YTHDC2: variants seen among roughly 807,000 people sequenced by gnomAD.
The protein encoded by YTHDC2 is YTH N6-methyladenosine RNA binding protein C2, also known as 3'-5' RNA helicase YTHDC2.
Under a neutral mutation model 174.9 loss-of-function variants are expected in YTHDC2, and 45 were observed. The ratio of observed to expected loss-of-function variants is 0.26; its 90% CI spans 0.20 to 0.33. The LOEUF is 0.33. Ranked by LOEUF, YTHDC2 falls within the 10% of genes least tolerant of loss-of-function variation. YTHDC2 has a pLI of 1.00. For synonymous variants in YTHDC2, 657 were observed against 574.5 expected (o/e 1.14, Z -2.05); for missense variants, 1,650 against 1,723.7 (o/e 0.96, Z 0.76).
intron 23 of YTHDC2, among the ~76,000 whole-genome samples, chr5:113,579,080 T>C (rs751662632): frequency 1.3e-5 from 2 of 152,054 alleles, no homozygotes; most frequent in African/African-American, 4.8e-5. Flanking sequence ...AACTGGGTTA[T>C]AGTTTTAATT....
intron 2 of YTHDC2, among the ~76,000 whole-genome samples, chr5:113,516,349 T>C (rs1773425155): frequency 6.6e-6 from 1 of 152,150 alleles, no homozygotes; most frequent in Non-Finnish European, 1.5e-5. Flanking sequence ...GAGGAAATTG[T>C]TTTGTTTTGT....
chr5:113,514,516 A>G (rs1000100343), intron 1 of YTHDC2, among the ~76,000 whole-genome samples: 1 of 152,342 alleles, frequency 6.6e-6, no homozygotes, highest in East Asian at 1.9e-4. Context: ...CTGAAGCATC[A>G]CGCTACCCAC....
At chr5:113,530,563 C>T (rs1774586107) in intron 4 of YTHDC2, among the ~76,000 whole-genome samples, 2 of 152,148 alleles carry the variant, frequency 1.3e-5, no homozygotes, top group Non-Finnish European at 2.9e-5. Flanking sequence ...TTCCTCCCTC[C>T]TGTCCCTTGT....
chr5:113,587,539 ATT>A (rs1449427544), intron 26 of YTHDC2, among the ~76,000 whole-genome samples: 1 of 140,236 alleles, frequency 7.1e-6, no homozygotes, highest in East Asian at 2.0e-4. Flanking sequence ...GTATTTATAT[ATT>A]AATATATTGT....
intron 10 of YTHDC2, among the ~76,000 whole-genome samples, chr5:113,545,579 C>T (rs559756991): frequency 1.4e-4 from 21 of 152,112 alleles, no homozygotes; most frequent in African/African-American, 4.8e-4. Context: ...ACCTGTTTCT[C>T]TTCTTTTGTT....
intron 26 of YTHDC2, among the ~76,000 whole-genome samples, chr5:113,584,971 G>A (rs1561708279): frequency 6.7e-6 from 1 of 149,414 alleles, no homozygotes; most frequent in Non-Finnish European, 1.5e-5. Context: ...TTATAGATGG[G>A]GATCTCCCTT....
chr5:113,589,303 T>C (rs1182803822), intron 26 of YTHDC2, among the ~76,000 whole-genome samples: 1 of 151,184 alleles, frequency 6.6e-6, no homozygotes, highest in Non-Finnish European at 1.5e-5. Context: ...TTCACTGATG[T>C]TTTTATTTAG....
At chr5:113,568,149 G>T (rs1777473542) in intron 23 of YTHDC2, among the ~76,000 whole-genome samples, 1 of 151,998 alleles carries the variant, frequency 6.6e-6, no homozygotes, top group Non-Finnish European at 1.5e-5. Context: ...AATTGTAAAA[G>T]AAATAATAGC....
chr5:113,575,134 A>G (rs915086512), intron 23 of YTHDC2, among the ~76,000 whole-genome samples: 1 of 152,168 alleles, frequency 6.6e-6, no homozygotes, highest in Non-Finnish European at 1.5e-5. Context: ...GTGCCTTTTC[A>G]TTCTTCTTTG....
intron 17 of YTHDC2, among the ~76,000 whole-genome samples, chr5:113,559,436 C>T (rs553150246): frequency 1.3e-5 from 2 of 152,164 alleles, no homozygotes; most frequent in South Asian, 2.1e-4. Flanking sequence ...GGTGACAGTG[C>T]CCTGAAGAAA....
intron 20 of YTHDC2, 93 bp from the exon 21 acceptor site, chr5:113,565,800 G>A (rs1777293845): frequency 4.6e-6 from 6 of 1,311,314 alleles, no homozygotes; most frequent in East Asian, 2.6e-5. Context: ...AATTCACGTC[G>A]AGGAATTCGT....
chr5:113,569,856 C>T (rs559432326), intron 23 of YTHDC2, among the ~76,000 whole-genome samples: 1 of 151,940 alleles, frequency 6.6e-6, no homozygotes, highest in Admixed American at 6.6e-5. Context: ...ATTTTGAAAT[C>T]GTTTCTTCTA....
intron 21 of YTHDC2, among the ~76,000 whole-genome samples, 160 bp from the exon 22 acceptor site, chr5:113,566,932 G>A (rs1321655010): frequency 6.6e-6 from 1 of 152,020 alleles, no homozygotes; most frequent in Non-Finnish European, 1.5e-5. Context: ...GGTGGGGAGG[G>A]GTGGTTCATA....
chr5:113,515,169 T>A (rs1773318814), intron 1 of YTHDC2, 103 bp from the exon 2 acceptor site: 1 of 682,078 alleles, frequency 1.5e-6, no homozygotes, highest in Non-Finnish European at 2.5e-6. Flanking sequence ...GTATAATAAA[T>A]TTGATTGTCT....
At chr5:113,515,555 C>CT (rs1314853876) in intron 2 of YTHDC2, among the ~76,000 whole-genome samples, 193 bp downstream of exon 2, 5 of 152,116 alleles carry the variant, frequency 3.3e-5, no homozygotes, top group Admixed American at 2.6e-4. Context: ...CTCTTCCCCC[C>CT]TTTTTTGTTT....
In YTHDC2 at chr5:113,567,099, T is replaced by G; in HGVS notation, c.2850T>G (p.Val950=). ...GGTTTTTTTCCCCTCTAGGTTTTGT[T>G]AGAGCACGAGGTGGTGGTGACATTC... is the stretch of plus-strand genomic sequence containing the variant. ...LLGQLRASGF[V]RARGGGDIRD... is the part of the protein sequence containing the mutation. Residue 950 remains valine (V), a synonymous_variant, in exon 22 of 30, where the codon GTT becomes GTG. Coordinates refer to ENST00000161863, the MANE Select transcript of YTHDC2 (RefSeq NM_022828.5). 6.2e-7 allele frequency: 1 copy of G among 1,612,734 alleles called. No individual in the cohort carries two copies. The highest frequency in any genetic ancestry group is 8.5e-7 in the Non-Finnish European group (1 of 1,179,552).
intron 10 of YTHDC2, among the ~76,000 whole-genome samples, chr5:113,548,055 G>C (rs1193269288): frequency 6.6e-6 from 1 of 152,146 alleles, no homozygotes; most frequent in Non-Finnish European, 1.5e-5. Flanking sequence ...AAATAGCCTT[G>C]AATGGGGGAT....
chr5:113,574,159 G>T (rs1342788406), intron 23 of YTHDC2, among the ~76,000 whole-genome samples: 2 of 152,128 alleles, frequency 1.3e-5, no homozygotes, highest in Admixed American at 6.6e-5. Context: ...CTTTTCTGTT[G>T]ATGTTGTTGT....
At chr5:113,552,447 T>C (rs577311122) in intron 12 of YTHDC2, among the ~76,000 whole-genome samples, 5 of 152,154 alleles carry the variant, frequency 3.3e-5, no homozygotes, top group Non-Finnish European at 7.4e-5. Flanking sequence ...TCATGTGATA[T>C]GTGGTTTTTG....
Sources: allele counts gnomAD v4.1 joint callset (sites outside exome capture counted in the v4.1 genomes callset), GRCh38; gene constraint gnomAD v4.1.1; transcripts MANE v1.5; gene names NCBI Gene and HGNC (gene_info 2026-07-23, HGNC 2026-07-21).